The following TRAIP variants were observed in gnomAD, a reference collection of about 807,000 sequenced individuals.
TRAIP encodes E3 ubiquitin-protein ligase TRAIP.
TRAIP carries 37 observed loss-of-function variants against 65.0 expected under a neutral mutation model. The observed-to-expected ratio is 0.57, with a 90% CI of 0.44 to 0.75. The LOEUF (loss-of-function observed/expected upper bound fraction) is 0.75, where lower values mean the gene tolerates loss of function less well. Ranked by LOEUF, TRAIP falls within the 30% of genes least tolerant of loss-of-function variation. The pLI, the probability that TRAIP is intolerant of heterozygous loss-of-function variation, is 0.00. For synonymous variants in TRAIP, 187 were observed against 219.1 expected (o/e 0.85, Z 1.29); for missense variants, 481 against 579.4 (o/e 0.83, Z 1.74).
chr3:49,841,184 C>T, intron 7 of TRAIP, 112 bp from the exon 8 acceptor site: 2 of 873,752 alleles, frequency 2.3e-6, no homozygotes, highest in Non-Finnish European at 3.8e-6. Flanking sequence ...CACTCTCATT[C>T]CTACTTTGAC....
At chr3:49,838,533 C>G (rs1300145972) in intron 10 of TRAIP, among the ~76,000 whole-genome samples, 2 of 152,240 alleles carry the variant, frequency 1.3e-5, no homozygotes, top group East Asian at 3.8e-4. Context: ...GCAGTGGGCA[C>G]TCATCAAGGA....
rs372379988 is a variant in TRAIP at position 49,836,434 on chromosome 3, C to T, written c.884+3338G>A. 1.8e-3 allele frequency among the ~76,000 whole-genome samples: 278 copies of T among 151,704 alleles called. 8 individuals carry two copies. The South Asian group carries it at 0.055, about 30-fold the overall frequency. On this transcript the variant is annotated intron_variant, in intron 10 of 14. Coordinates refer to ENST00000331456, the MANE Select transcript of TRAIP (RefSeq NM_005879.3). ...TTCAACCGGGAAGCGGAGGTTGCAG[C>T]GAGCCAAGATTGCACCACTGTACTC...
chr3:49,848,374 GT>G (rs1389743775), intron 1 of TRAIP, among the ~76,000 whole-genome samples, 174 bp from the exon 2 acceptor site: 1 of 152,216 alleles, frequency 6.6e-6, no homozygotes, highest in Admixed American at 6.5e-5. Context: ...GGCCTGATGG[GT>G]ACTCAGGACT....
chr3:49,851,949 G>A (rs759304710), intron 1 of TRAIP, among the ~76,000 whole-genome samples: 3 of 143,420 alleles, frequency 2.1e-5, no homozygotes, highest in Admixed American at 1.4e-4. Context: ...CACCAGCCTC[G>A]GCCTCCCAAA....
chr3:49,833,623 G>A (rs1388330848), intron 10 of TRAIP, among the ~76,000 whole-genome samples: 4 of 152,000 alleles, frequency 2.6e-5, no homozygotes, highest in African/African-American at 7.2e-5. Flanking sequence ...GGGGCTACAG[G>A]CGCCCGCCAC....
intron 12 of TRAIP, 109 bp from the exon 13 acceptor site, chr3:49,829,875 G>T: frequency 6.4e-7 from 1 of 1,565,288 alleles, no homozygotes; most frequent in Non-Finnish European, 8.8e-7. Flanking sequence ...CTAGGAGGCA[G>T]GAGGGATAAT....
intron 11 of TRAIP, 77 bp from the exon 12 acceptor site, chr3:49,830,145 C>T (rs1469077327): frequency 1.3e-6 from 2 of 1,508,214 alleles, no homozygotes; most frequent in East Asian, 2.3e-5. Context: ...GCACACGCCC[C>T]TTGGGGAGTT....
chr3:49,845,331 A>G (rs568784460), intron 3 of TRAIP, among the ~76,000 whole-genome samples: 12 of 152,242 alleles, frequency 7.9e-5, no homozygotes, highest in Non-Finnish European at 4.4e-5. Context: ...CTGCTCCATA[A>G]CAAAGAAATC....
At chr3:49,843,653 G>T in intron 5 of TRAIP, 148 bp downstream of exon 5, 1 of 1,068,868 alleles carries the variant, frequency 9.4e-7, no homozygotes, top group Non-Finnish European at 1.4e-6. Flanking sequence ...GGAAGGGCAA[G>T]GGGAAGAAGT....
intron 10 of TRAIP, among the ~76,000 whole-genome samples, chr3:49,839,363 G>A (rs1419796586): frequency 6.6e-6 from 1 of 152,128 alleles, no homozygotes; most frequent in African/African-American, 2.4e-5. Flanking sequence ...TGCTTGCAGG[G>A]ACACCAATCC....
At chr3:49,844,691 G>A (rs1258821679) in intron 3 of TRAIP, 111 bp from the exon 4 acceptor site, 28 of 1,241,142 alleles carry the variant, frequency 2.3e-5, no homozygotes, top group East Asian at 1.2e-4. Flanking sequence ...GCCTTCTAGG[G>A]CATGAATCCT....
intron 10 of TRAIP, among the ~76,000 whole-genome samples, chr3:49,832,321 T>C (rs2081741408): frequency 6.6e-6 from 1 of 151,852 alleles, no homozygotes; most frequent in Non-Finnish European, 1.5e-5. Context: ...TGAAACCCCA[T>C]CCTACTAAAA....
chr3:49,836,514 GGAAAAA>G (rs1241422775), intron 10 of TRAIP, among the ~76,000 whole-genome samples: 1 of 151,464 alleles, frequency 6.6e-6, no homozygotes, highest in East Asian at 1.9e-4. Flanking sequence ...GAAAAGAAAA[GGAAAAA>G]GAAAAAGAAA....
At chr3:49,837,136 A>G (rs762397604) in intron 10 of TRAIP, among the ~76,000 whole-genome samples, 5 of 152,010 alleles carry the variant, frequency 3.3e-5, no homozygotes, top group Non-Finnish European at 5.9e-5. Context: ...GTAGTAACAC[A>G]TTAGCAGTCA....
intron 9 of TRAIP, 133 bp from the exon 10 acceptor site, chr3:49,839,993 A>G: frequency 1.1e-6 from 1 of 888,330 alleles, no homozygotes; most frequent in Non-Finnish European, 1.8e-6. Flanking sequence ...CCTCATCATT[A>G]GGCTCAGGAG....
At chr3:49,851,727 C>T (rs975440966) in intron 1 of TRAIP, among the ~76,000 whole-genome samples, 3 of 147,290 alleles carry the variant, frequency 2.0e-5, no homozygotes, top group East Asian at 2.1e-4. Flanking sequence ...GACTGAGTCT[C>T]GCTCTGTCAC....
intron 7 of TRAIP, 104 bp downstream of exon 7, chr3:49,841,722 T>G (rs1414466178): frequency 9.6e-6 from 8 of 830,570 alleles, no homozygotes; most frequent in Admixed American, 6.9e-5. Context: ...GCTCCAGAGT[T>G]TGCCCCTTAG....
intron 9 of TRAIP, among the ~76,000 whole-genome samples, 157 bp downstream of exon 9, chr3:49,840,127 G>C (rs117723247): frequency 6.6e-6 from 1 of 152,194 alleles, no homozygotes; most frequent in Non-Finnish European, 1.5e-5. Context: ...GCTCCAGTCC[G>C]GACCAGGGCC....
chr3:49,837,923 C>T (rs1052731818), intron 10 of TRAIP, among the ~76,000 whole-genome samples: 1 of 151,904 alleles, frequency 6.6e-6, no homozygotes, highest in East Asian at 1.9e-4. Flanking sequence ...TACTCTGTCT[C>T]CCAGGCTGGA....
Sources: gnomAD v4.1 joint callset for allele counts (sites outside exome capture counted in the v4.1 genomes callset) on GRCh38, gnomAD v4.1.1 for gene constraint, MANE v1.5 for transcripts, NCBI Gene and HGNC (gene_info 2026-07-23, HGNC 2026-07-21) for gene names.